The following GPC1 variants were observed in gnomAD, a reference collection of about 807,000 sequenced individuals.
The protein encoded by GPC1 is glypican-1.
A neutral mutation model predicts 51.5 loss-of-function variants in GPC1; 26 were observed. The observed-to-expected ratio is 0.50, with a 90% CI of 0.37 to 0.70. The LOEUF (loss-of-function observed/expected upper bound fraction) is 0.70. Ranked by LOEUF, GPC1 falls within the 30% of genes least tolerant of loss-of-function variation. The pLI is 0.00. For missense variants in GPC1, 775 were observed against 800.5 expected (o/e 0.97, Z 0.38); for synonymous variants, 380 against 348.3 (o/e 1.09, Z -1.01).
Position 240,462,499 on chromosome 2 carries a change from C to A in GPC1, c.634C>A (p.Arg212=). The part of the protein sequence containing the change: ...FGEAPRELRL[R]ATRAFVAARS... ...GGAGGCCCCGAGAGAGCTGCGCCTG[C>A]GGGCCACCCGTGCCTTCGTGGCTGC... The change falls in exon 3 of 9, where the codon CGG becomes AGG. Residue 212 remains arginine, a synonymous_variant. Transcript: ENST00000264039. 2.5e-6 allele frequency: 4 copies of A among 1,594,156 alleles called. No homozygotes were observed. The highest frequency in any genetic ancestry group is 3.4e-6 in the Non-Finnish European group (4 of 1,171,596).
At chr2:240,441,217 G>A (rs1020635204) in intron 1 of GPC1, among the ~76,000 whole-genome samples, 7 of 152,264 alleles carry the variant, frequency 4.6e-5, no homozygotes, top group African/African-American at 1.2e-4. Flanking sequence ...ATCAGACCTC[G>A]GAGGAGAGCT....
At chr2:240,455,917 G>C (rs970133203) in intron 1 of GPC1, 6 of 331,136 alleles carry the variant, frequency 1.8e-5, no homozygotes, top group South Asian at 6.5e-5. Context: ...CCTGCAGCGG[G>C]CCTCAGGGGG....
chr2:240,460,581 G>T (rs111323424), intron 2 of GPC1, among the ~76,000 whole-genome samples: 1 of 152,186 alleles, frequency 6.6e-6, no homozygotes, highest in Non-Finnish European at 1.5e-5. Context: ...CTCTTAGGGG[G>T]TTGGTGTCGC....
Position 240,462,261 on chromosome 2 carries a change from G to C in GPC1, c.396G>C (p.Glu132Asp). ...LQATFPGAFGELYTQNARAFR... is the reference protein window; with the variant it reads ...LQATFPGAFGDLYTQNARAFR... ...CCACCTTCCCCGGCGCCTTCGGAGA[G>C]CTGTACACGCAGAACGCGAGGGCCT... The change falls in exon 3 of 9, where the codon GAG (glutamate) becomes GAC (aspartate). Residue 132 changes from glutamate to aspartate, a missense_variant. Coordinates refer to ENST00000264039, the MANE Select transcript of GPC1 (RefSeq NM_002081.3). 1 of 1,610,974 alleles carries C rather than the reference G, an allele frequency of 6.2e-7. No individual in the cohort carries two copies. Among genetic ancestry groups the C allele is most frequent in the African/African-American group, 1.3e-5 (1 of 75,016 alleles).
chr2:240,458,447 A>G (rs2074188446), intron 1 of GPC1: 2 of 192,604 alleles, frequency 1.0e-5, no homozygotes, highest in Non-Finnish European at 2.2e-5. Flanking sequence ...GCATGGTCCA[A>G]TGACCCTTTC....
intron 1 of GPC1, among the ~76,000 whole-genome samples, chr2:240,453,788 G>A (rs1574767526): frequency 6.6e-6 from 1 of 152,026 alleles, no homozygotes; most frequent in East Asian, 1.9e-4. Context: ...GCGGCGGCTG[G>A]CGACTGGCAT....
At chr2:240,447,978 G>C (rs988537723) in intron 1 of GPC1, among the ~76,000 whole-genome samples, 1 of 152,126 alleles carries the variant, frequency 6.6e-6, no homozygotes, top group African/African-American at 2.4e-5. Context: ...GCTGGCTCTG[G>C]GTGTGAGATG....
intron 1 of GPC1, chr2:240,455,030 G>T: frequency 5.2e-6 from 1 of 190,930 alleles, no homozygotes; most frequent in Non-Finnish European, 1.2e-5. Context: ...GGTATCCAAA[G>T]TTAAGGCTGG....
chr2:240,457,681 G>A (rs1228647452), intron 1 of GPC1, among the ~76,000 whole-genome samples: 2 of 152,154 alleles, frequency 1.3e-5, no homozygotes, highest in Non-Finnish European at 2.9e-5. Flanking sequence ...ACAGCCTCGA[G>A]CCAGGTGCCT....
chr2:240,461,485 G>A (rs1028276888), intron 2 of GPC1, among the ~76,000 whole-genome samples: 22 of 152,122 alleles, frequency 1.4e-4, no homozygotes, highest in Non-Finnish European at 1.5e-4. Flanking sequence ...CCGGGGTACG[G>A]GGGCTTTTCC....
At chr2:240,443,092 C>T (rs1274186040) in intron 1 of GPC1, among the ~76,000 whole-genome samples, 1 of 152,270 alleles carries the variant, frequency 6.6e-6, no homozygotes, top group East Asian at 1.9e-4. Flanking sequence ...AGGTGATGTT[C>T]CAGGTCTAGT....
At chr2:240,451,935 C>T (rs562375305) in intron 1 of GPC1, 1 of 152,758 alleles carries the variant, frequency 6.5e-6, no homozygotes, top group Non-Finnish European at 1.5e-5. Context: ...TATGAGTTGC[C>T]TGGTGAAAGC....
intron 1 of GPC1, chr2:240,457,391 G>C (rs1244040227): frequency 6.5e-6 from 3 of 463,542 alleles, no homozygotes; most frequent in Non-Finnish European, 9.1e-6. Flanking sequence ...CTCTTGTCTC[G>C]GGCTCCTCCC....
intron 1 of GPC1, chr2:240,453,203 C>T (rs1262295232): frequency 2.5e-5 from 5 of 199,794 alleles, no homozygotes; most frequent in Non-Finnish European, 1.0e-5. Flanking sequence ...CCCTTTCCGC[C>T]CCTCCTGTCG....
intron 1 of GPC1, among the ~76,000 whole-genome samples, chr2:240,440,496 G>T (rs1052169975): frequency 3.3e-5 from 5 of 152,176 alleles, no homozygotes; most frequent in African/African-American, 1.2e-4. Flanking sequence ...CTGGGCCTGG[G>T]CTCCATCTCT....
At chr2:240,449,740 C>T (rs2074080168) in intron 1 of GPC1, 1 of 435,040 alleles carries the variant, frequency 2.3e-6, no homozygotes, top group Non-Finnish European at 4.7e-6. Context: ...CTGGTGCCCG[C>T]CATCCTTTCA....
intron 6 of GPC1, 45 bp downstream of exon 6, chr2:240,465,020 A>G (rs2074249308): frequency 1.9e-6 from 3 of 1,577,596 alleles, no homozygotes; most frequent in South Asian, 2.3e-5. Context: ...TGAGGGAGGC[A>G]GACAGGCAGA....
intron 1 of GPC1, among the ~76,000 whole-genome samples, chr2:240,436,532 C>T (rs60819115): frequency 0.016 from 2,415 of 152,314 alleles, 72 homozygotes; most frequent in African/African-American, 0.056. Flanking sequence ...CGGGGCGCCG[C>T]TGACGGTGGC....
Position 240,466,084 on chromosome 2 carries a change from G to C in GPC1, c.1471G>C (p.Gly491Arg), listed in dbSNP as rs149996819. The change falls in exon 9 of 9, where the codon GGT becomes CGT. Residue 491 changes from glycine to arginine, a missense_variant. Physicochemically the swap from Gly to Arg is moderately radical, Grantham distance 125. Coordinates refer to ENST00000264039, the MANE Select transcript of GPC1 (RefSeq NM_002081.3). Reference sequence around the variant, plus strand: ...TGACGACGGCAGCGGCTCGGGCAGCGGTGATGGCTGTCTGGATGACCTCTG... The same window carrying C: ...TGACGACGGCAGCGGCTCGGGCAGCCGTGATGGCTGTCTGGATGACCTCTG... ...ASDDGSGSGS[G>R]DGCLDDLCSR... 1.6e-5 allele frequency: 25 copies of C among 1,611,890 alleles called. No individual in the cohort carries two copies. In the African/African-American group the frequency reaches 2.8e-4, roughly 18 times the overall value.
Sources: allele counts gnomAD v4.1 joint callset (sites outside exome capture counted in the v4.1 genomes callset), GRCh38; gene constraint gnomAD v4.1.1; transcripts MANE v1.5; gene names NCBI Gene and HGNC (gene_info 2026-07-23, HGNC 2026-07-21).